Variants in NLRP2 observed in about 807,000 individuals in gnomAD.
The protein encoded by NLRP2 is NLR family pyrin domain containing 2.
A neutral mutation model predicts 97.2 loss-of-function variants in NLRP2; 107 were observed. That is an observed-to-expected ratio of 1.10 (90% CI 0.94 to 1.29). The LOEUF (loss-of-function observed/expected upper bound fraction) is 1.29. NLRP2 is among the 50% of genes most tolerant of loss of function. The probability of loss-of-function intolerance (pLI) is 0.00; values close to 1 mark genes in which losing one functional copy is unlikely to be tolerated. For synonymous variants in NLRP2, 663 were observed against 551.5 expected, an observed-to-expected ratio of 1.20 and a Z score of -2.83; for missense variants, 1,495 against 1,330.3, an observed-to-expected ratio of 1.12 and a Z score of -1.93.
At chr19:55,000,733 AC>A (rs1568552944) in intron 12 of NLRP2, 26 bp from the exon 13 acceptor site, 1 of 1,612,400 alleles carries the variant, frequency 6.2e-7, no homozygotes, top group Non-Finnish European at 8.5e-7. Flanking sequence ...GCACAAAGTA[AC>A]CTTTTCTTCC....
chr19:54,969,895 G>C, intron 1 of NLRP2, 104 bp from the exon 2 acceptor site: 1 of 1,112,996 alleles, frequency 9.0e-7, no homozygotes, highest in Non-Finnish European at 1.4e-6. Context: ...GAAGAAGCAG[G>C]GTAGATGGTG....
At chr19:54,990,437 G>A in intron 9 of NLRP2, 65 bp from the exon 10 acceptor site, 1 of 1,537,376 alleles carries the variant, frequency 6.5e-7, no homozygotes, top group Non-Finnish European at 9.0e-7. Flanking sequence ...TGGCACTTGT[G>A]GAGCTAGCCG....
chr19:54,975,753 C>T (rs1023417717), intron 3 of NLRP2, among the ~76,000 whole-genome samples: 7 of 151,688 alleles, frequency 4.6e-5, no homozygotes, highest in Non-Finnish European at 8.8e-5. Flanking sequence ...CGCCCGGCCC[C>T]TGAAGATTGT....
intron 8 of NLRP2, among the ~76,000 whole-genome samples, chr19:54,987,137 C>A (rs914709438): frequency 6.8e-6 from 1 of 146,572 alleles, no homozygotes; most frequent in Non-Finnish European, 1.5e-5. Context: ...TACCCCCCCA[C>A]CCCCACCCCA....
In NLRP2 at chr19:54,990,059, G is replaced by C. The variant is rs758670254; in HGVS notation, c.2404G>C (p.Asp802His). 6.2e-7 allele frequency: 1 copy of C among 1,613,988 alleles called. No individual in the cohort carries two copies. The highest frequency in any genetic ancestry group is 2.2e-5 in the East Asian group (1 of 44,860). ...SCSATTQQWA[D>H]LSLALEVNQS... ...TTCCGCTACCACTCAGCAGTGGGCT[G>C]ATCTCTCCTTGGCCCTTGAAGTCAA... The change falls in exon 9 of 13, where the codon GAT (aspartate) becomes CAT (histidine). Residue 802 changes from aspartate (D) to histidine (H), a missense_variant. By Grantham distance (81) the Asp-to-His change is moderately conservative. Transcript: ENST00000448584.
In NLRP2 at chr19:54,982,732, G is replaced by A. The variant is rs1045014130; in HGVS notation, c.1034G>A (p.Arg345Gln). Reference protein sequence around the residue: ...TTRPRALRDLRILAEEPIYIR... With the variant: ...TTRPRALRDLQILAEEPIYIR... The stretch of plus-strand genomic sequence containing the variant: ...CGGCCCAGGGCCCTGAGGGACCTCC[G>A]GATCCTGGCGGAGGAGCCGATCTAC... Residue 345 changes from arginine to glutamine, a missense_variant, in exon 6 of 13, where the codon CGG becomes CAG. Arg to Gln is a conservative substitution (Grantham distance 43, BLOSUM62 1). Transcript: ENST00000448584. 44 of 1,613,910 alleles carry A rather than the reference G, an allele frequency of 2.7e-5. No homozygotes were observed. The highest frequency in any genetic ancestry group is 1.6e-4 in the Middle Eastern group (1 of 6,080).
chr19:54,969,298 A>AC (rs35417918), intron 1 of NLRP2, among the ~76,000 whole-genome samples: 32,797 of 150,482 alleles, frequency 0.22, 3,694 homozygotes, highest in East Asian at 0.38. Context: ...ACTTGGTGAA[A>AC]CCCCCCATCT....
At chr19:54,973,474 T>G (rs1322671884) in intron 2 of NLRP2, among the ~76,000 whole-genome samples, 1 of 151,450 alleles carries the variant, frequency 6.6e-6, no homozygotes, top group Non-Finnish European at 1.5e-5. Flanking sequence ...CTCCCAGGTT[T>G]AAGTGATTCT....
At chr19:54,980,170 G>T (rs2071481982) in intron 4 of NLRP2, among the ~76,000 whole-genome samples, 2 of 151,514 alleles carry the variant, frequency 1.3e-5, no homozygotes, top group Non-Finnish European at 2.9e-5. Flanking sequence ...GGTGAATAGT[G>T]CCTGGTGGCA....
intron 10 of NLRP2, chr19:54,993,479 G>A (rs1203782452): frequency 6.5e-6 from 1 of 152,936 alleles, no homozygotes; most frequent in Admixed American, 6.5e-5. Flanking sequence ...GATAATCTGT[G>A]TTGGTTAATA....
At chr19:54,977,904 C>T (rs890393585) in intron 4 of NLRP2, 81 bp downstream of exon 4, 4 of 1,241,712 alleles carry the variant, frequency 3.2e-6, no homozygotes, top group African/African-American at 2.9e-5. Context: ...CTTTGAAGAA[C>T]CCCATCTCTC....
chr19:54,973,152 C>G (rs949815263), intron 2 of NLRP2, among the ~76,000 whole-genome samples: 21 of 151,426 alleles, frequency 1.4e-4, no homozygotes, highest in Non-Finnish European at 2.8e-4. Context: ...GATCGTGCCA[C>G]TGCGCTCCAG....
At chr19:54,987,126 C>T (rs1197171828) in intron 8 of NLRP2, among the ~76,000 whole-genome samples, 2 of 150,552 alleles carry the variant, frequency 1.3e-5, no homozygotes, top group African/African-American at 4.9e-5. Context: ...CTCAGGTGAT[C>T]TACCCCCCCA....
At chr19:54,996,444 A>T (rs1370278291) in intron 11 of NLRP2, among the ~76,000 whole-genome samples, 1 of 152,150 alleles carries the variant, frequency 6.6e-6, no homozygotes, top group African/African-American at 2.4e-5. Flanking sequence ...CAGAGGCTAC[A>T]GTGAGCCGAG....
chr19:54,997,312 C>T lies in NLRP2; in HGVS notation c.2880-5C>T, dbSNP rs192519350. On this transcript the variant is annotated splice_polypyrimidine_tract_variant and splice_region_variant and intron_variant, in intron 11 of 12. Transcript: ENST00000448584. ...ATTAACGTGTTGATTTCTGTGTTTC[C>T]CCAGGTTGTGGGGATGTTCCATCCC... 1 of 1,613,312 alleles carries T rather than the reference C, an allele frequency of 6.2e-7. No homozygotes were observed. Among genetic ancestry groups the T allele is most frequent in the East Asian group, 2.2e-5 (1 of 44,876 alleles).
At chr19:54,986,103 A>G (rs1452298674) in intron 7 of NLRP2, 48 bp from the exon 8 acceptor site, 1 of 1,266,442 alleles carries the variant, frequency 7.9e-7, no homozygotes, top group Admixed American at 1.7e-5. Flanking sequence ...TTTAAGTACG[A>G]TACAGGTGTA....
Position 54,989,958 on chromosome 19 carries a change from C to T in NLRP2, c.2367-64C>T, listed in dbSNP as rs184437908. 1.8e-4 allele frequency: 276 copies of T among 1,569,320 alleles called. 1 individual carries two copies. The African/African-American group carries it at 3.1e-3, about 17-fold the overall frequency. Reference sequence around the variant, plus strand: ...GTGAGCCGAGATTGCGCCACCTGGGCAACAAGAGTGAGACTCAGTCTCAAA... The same window carrying T: ...GTGAGCCGAGATTGCGCCACCTGGGTAACAAGAGTGAGACTCAGTCTCAAA... On this transcript the variant is annotated intron_variant, in intron 8 of 12. Transcript: ENST00000448584.
In NLRP2 at chr19:54,998,727, CAGAT is replaced by C. The variant is rs2073004585; in HGVS notation, c.3050+1242_3050+1245del. Among the ~76,000 whole-genome samples the C allele has an allele frequency of 2.2e-5, 3 of 138,726 alleles. No individual in the cohort carries two copies. In the South Asian group the frequency reaches 6.8e-4, roughly 31 times the overall value. The allele number at this position is 138,726 out of a possible 152,430, so 91.0% of individuals were successfully genotyped here. A position where few individuals can be genotyped will look rare whatever the true frequency, so the allele number is the denominator to read the frequency against. On this transcript the variant is annotated intron_variant, in intron 12 of 12. Coordinates refer to ENST00000448584, the MANE Select transcript of NLRP2 (RefSeq NM_017852.5). ...AGGACAATAGTGGAGGGAAGGTCAGCAGATAAACAAGTGAACAAAGGTCTCTGGT... is the reference window on the plus strand; with the variant it reads ...AGGACAATAGTGGAGGGAAGGTCAGCAAACAAGTGAACAAAGGTCTCTGGT...
intron 2 of NLRP2, 179 bp from the exon 3 acceptor site, chr19:54,974,321 C>T: frequency 1.5e-6 from 1 of 656,088 alleles, no homozygotes; most frequent in Non-Finnish European, 2.7e-6. Context: ...GCCACTCCAG[C>T]CTGGGCAACA....
Sources: allele counts gnomAD v4.1 joint callset (sites outside exome capture counted in the v4.1 genomes callset), GRCh38; gene constraint gnomAD v4.1.1; transcripts MANE v1.5; gene names NCBI Gene and HGNC (gene_info 2026-07-23, HGNC 2026-07-21).